C4orf36: variants seen among roughly 807,000 people sequenced by gnomAD.
The protein encoded by C4orf36 is chromosome 4 open reading frame 36.
A neutral mutation model predicts 12.2 loss-of-function variants in C4orf36; 11 were observed. The ratio of observed to expected loss-of-function variants is 0.90; its 90% CI spans 0.57 to 1.49. The LOEUF is 1.49. Ranked by LOEUF, C4orf36 falls within the 40% of genes most tolerant of loss-of-function variation. The pLI, the probability that C4orf36 is intolerant of heterozygous loss-of-function variation, is 0.00. For missense variants in C4orf36, 137 were observed against 133.9 expected (o/e 1.02, Z -0.11); for synonymous variants, 54 against 51.3 (o/e 1.05, Z -0.22).
At chr4:86,936,018 C>G in the C4orf36 span, 1 of 152,098 alleles carries the variant, frequency 6.6e-6, no homozygotes, top group African/African-American at 2.4e-5. Flanking sequence ...ATTAATGGAG[C>G]TGCGACGGGC....
chr4:86,894,312 C>CAT (rs760718374), upstream of C4orf36, among the ~76,000 whole-genome samples: 323 of 152,118 alleles, frequency 2.1e-3, 3 homozygotes, highest in Middle Eastern at 3.4e-3. Context: ...CTGTTATATA[C>CAT]ATATATATAT....
At chr4:86,895,091 C>T (rs1390623105), upstream of C4orf36, among the ~76,000 whole-genome samples, 1 of 152,124 alleles carries the variant, frequency 6.6e-6, no homozygotes, top group African/African-American at 2.4e-5. Context: ...ACAGGAGGAT[C>T]ACTTGAGCCT....
At chr4:86,917,554 GAAGA>G in the C4orf36 span, among the ~76,000 whole-genome samples, 1 of 109,666 alleles carries the variant, frequency 9.1e-6, no homozygotes, top group East Asian at 2.5e-4. Context: ...AGTAAGGAAG[GAAGA>G]GAGAGTGAGG....
intron 4 of C4orf36, among the ~76,000 whole-genome samples, chr4:86,882,780 T>C (rs1325444083): frequency 6.6e-6 from 1 of 152,174 alleles, no homozygotes; most frequent in African/African-American, 2.4e-5. Flanking sequence ...TACATATATG[T>C]TTGCCCATTG....
chr4:86,907,775 G>A, the C4orf36 span, among the ~76,000 whole-genome samples: 13 of 151,914 alleles, frequency 8.6e-5, no homozygotes, highest in East Asian at 1.5e-3. Context: ...CCAGGAGTTC[G>A]AGACCAACAT....
chr4:86,923,955 G>A, the C4orf36 span, among the ~76,000 whole-genome samples: 40 of 152,068 alleles, frequency 2.6e-4, no homozygotes, highest in Non-Finnish European at 1.0e-4. Flanking sequence ...GTTCTGAGTT[G>A]TAATTGAAAT....
the C4orf36 span, among the ~76,000 whole-genome samples, chr4:86,926,896 G>C: frequency 6.6e-6 from 1 of 152,128 alleles, no homozygotes; most frequent in Non-Finnish European, 1.5e-5. Flanking sequence ...TTAGAGGAGG[G>C]CCTCAACAAA....
At chr4:86,891,265 A>G (rs1037201603) in intron 2 of C4orf36, among the ~76,000 whole-genome samples, 191 bp downstream of exon 2, 5 of 148,966 alleles carry the variant, frequency 3.4e-5, no homozygotes, top group African/African-American at 1.2e-4. Flanking sequence ...AAGACCAAGT[A>G]AGATAATTAA....
intron 4 of C4orf36, among the ~76,000 whole-genome samples, chr4:86,885,835 T>C (rs1397438595): frequency 2.6e-5 from 4 of 152,204 alleles, no homozygotes; most frequent in African/African-American, 7.2e-5. Context: ...GGCTGTGGGT[T>C]TGTCATAAAT....
In C4orf36 at chr4:86,879,178, G is replaced by A. The variant is rs1209459371; in HGVS notation, c.*3-2735C>T. On this transcript the variant is annotated intron_variant, in intron 4 of 4. Transcript: ENST00000295898. ...AACAGGAAAACATGGCCTGATCAAA[G>A]TAACAAAATAAATTTCCAGAAACCA... 3.3e-5 allele frequency among the ~76,000 whole-genome samples: 5 copies of A among 152,242 alleles called. No individual in the cohort carries two copies. The East Asian group carries it at 9.6e-4, about 29-fold the overall frequency.
At chr4:86,879,070 G>C (rs1746986853) in intron 4 of C4orf36, among the ~76,000 whole-genome samples, 1 of 152,098 alleles carries the variant, frequency 6.6e-6, no homozygotes, top group Middle Eastern at 3.2e-3. Flanking sequence ...TTTGGTTTGG[G>C]GGGTTTTGGT....
At chr4:86,935,583 G>T in the C4orf36 span, 1 of 152,262 alleles carries the variant, frequency 6.6e-6, no homozygotes. Context: ...CTGTCCCGTT[G>T]TTGGGACCTG....
chr4:86,892,394 C>T lies in C4orf36; in HGVS notation c.-285G>A. 4.1e-6 allele frequency: 4 copies of T among 985,586 alleles called. No homozygotes were observed. The highest frequency in any genetic ancestry group is 4.8e-6 in the Non-Finnish European group (4 of 830,072). 61.1% of individuals were successfully genotyped at this position (985,586 alleles called of 1,614,324 possible). On this transcript the variant is annotated 5_prime_UTR_variant, in exon 1 of 5. Transcript: ENST00000295898. ...GGGGCCGCGCCGCAGGCACACGCCT[C>T]CTTCCCGCTCGCCGCGGGCGCCGAG... is the stretch of plus-strand genomic sequence containing the variant.
chr4:86,904,381 C>T, the C4orf36 span, among the ~76,000 whole-genome samples: 1 of 152,230 alleles, frequency 6.6e-6, no homozygotes, highest in African/African-American at 2.4e-5. Flanking sequence ...GGCTGAAGGG[C>T]TCCTCGAGTG....
At chr4:86,935,687 C>T in the C4orf36 span, 1 of 152,148 alleles carries the variant, frequency 6.6e-6, no homozygotes, top group Non-Finnish European at 1.5e-5. Flanking sequence ...GGACCCTTCC[C>T]TGTGCCTGTC....
At chr4:86,898,377 G>A in the C4orf36 span, among the ~76,000 whole-genome samples, 2 of 151,744 alleles carry the variant, frequency 1.3e-5, no homozygotes, top group Non-Finnish European at 2.9e-5. Flanking sequence ...GGGTGACAGA[G>A]CAAGTATCTG....
the C4orf36 span, among the ~76,000 whole-genome samples, chr4:86,899,644 G>C: frequency 6.6e-6 from 1 of 152,218 alleles, no homozygotes; most frequent in South Asian, 2.1e-4. Context: ...GGAAATATGA[G>C]ACCTTGTCTC....
In C4orf36 at chr4:86,887,883, G is replaced by A. The variant is rs767471036; in HGVS notation, c.231C>T (p.Leu77=). 1.2e-5 allele frequency: 20 copies of A among 1,613,826 alleles called. No homozygotes were observed. Among genetic ancestry groups the A allele is most frequent in the African/African-American group, 8.0e-5 (6 of 74,896 alleles). ...GLLPSAESIK[L]EREYEVKRLC... The stretch of plus-strand genomic sequence containing the variant: ...GACGCTTCACTTCATACTCCCTTTC[G>A]AGTTTGATAGCTGAAAAAGAAAATA... Residue 77 remains leucine, a synonymous_variant, in exon 4 of 5, where the codon CTC becomes CTT. Transcript: ENST00000295898.
chr4:86,908,218 C>T, the C4orf36 span, among the ~76,000 whole-genome samples: 125,682 of 148,588 alleles, frequency 0.85, 53,916 homozygotes, highest in Non-Finnish European at 0.92. Context: ...CACACACACA[C>T]GTTGCTGGTG....
Sources: allele counts gnomAD v4.1 joint callset (sites outside exome capture counted in the v4.1 genomes callset), GRCh38; gene constraint gnomAD v4.1.1; transcripts MANE v1.5; gene names NCBI Gene and HGNC (gene_info 2026-07-23, HGNC 2026-07-21).